The following TYW1 variants were observed in gnomAD, a reference collection of about 807,000 sequenced individuals.
TYW1 encodes the protein S-adenosyl-L-methionine-dependent tRNA 4-demethylwyosine synthase TYW1.
In TYW1, 46 loss-of-function variants were observed where a neutral mutation model predicts 96.2. The ratio of observed to expected loss-of-function variants is 0.48; its 90% CI spans 0.38 to 0.61. The LOEUF (loss-of-function observed/expected upper bound fraction) is 0.61, where lower values mean the gene tolerates loss of function less well. TYW1 is among the 20% of genes least tolerant of loss of function. The probability of loss-of-function intolerance (pLI) is 0.00; values close to 1 mark genes in which losing one functional copy is unlikely to be tolerated. For synonymous variants in TYW1, 274 were observed against 323.0 expected (o/e 0.85, Z 1.63); for missense variants, 684 against 909.6 (o/e 0.75, Z 3.19).
chr7:67,047,114 G>A (rs1213172615), intron 7 of TYW1, among the ~76,000 whole-genome samples: 1 of 152,156 alleles, frequency 6.6e-6, no homozygotes, highest in African/African-American at 2.4e-5. Context: ...ATACTGCCAT[G>A]TCTTATCAAT....
chr7:67,028,816 C>G (rs1323813098), intron 7 of TYW1, among the ~76,000 whole-genome samples: 1 of 152,152 alleles, frequency 6.6e-6, no homozygotes, highest in Non-Finnish European at 1.5e-5. Context: ...TGCAAAACAG[C>G]ATTTCCACAG....
chr7:67,042,140 A>G (rs1383109899), intron 7 of TYW1, among the ~76,000 whole-genome samples: 1 of 147,748 alleles, frequency 6.8e-6, no homozygotes, highest in African/African-American at 2.5e-5. Flanking sequence ...TTCTGATATA[A>G]TTATATATTA....
intron 13 of TYW1, among the ~76,000 whole-genome samples, chr7:67,130,006 G>A (rs1798015940): frequency 6.6e-6 from 1 of 151,410 alleles, no homozygotes; most frequent in African/African-American, 2.4e-5. Flanking sequence ...TGATATATGT[G>A]CTGTTCCATT....
At chr7:67,015,391 C>T (rs1162342563) in intron 5 of TYW1, among the ~76,000 whole-genome samples, 2 of 152,110 alleles carry the variant, frequency 1.3e-5, no homozygotes, top group African/African-American at 4.8e-5. Context: ...CTTGCTTTGT[C>T]ATCCAGGCTG....
At chr7:67,085,743 C>T (rs976259838) in intron 11 of TYW1, among the ~76,000 whole-genome samples, 1 of 152,038 alleles carries the variant, frequency 6.6e-6, no homozygotes, top group African/African-American at 2.4e-5. Context: ...CTGAGGTAGG[C>T]GGATCACCTG....
At chr7:67,088,176 T>C (rs748347271) in intron 11 of TYW1, among the ~76,000 whole-genome samples, 113 of 152,324 alleles carry the variant, frequency 7.4e-4, no homozygotes, top group Non-Finnish European at 1.3e-3. Context: ...TCATTTGTTA[T>C]ACATTTTCAC....
chr7:67,135,408 G>T (rs1328954918), intron 13 of TYW1, among the ~76,000 whole-genome samples: 2 of 144,704 alleles, frequency 1.4e-5, no homozygotes, highest in Admixed American at 7.2e-5. Flanking sequence ...GGGTTCAAGC[G>T]ATCCTCCCAC....
intron 7 of TYW1, among the ~76,000 whole-genome samples, chr7:67,029,414 T>TATATACAC (rs1562973615): frequency 1.4e-5 from 2 of 138,376 alleles, no homozygotes; most frequent in Admixed American, 1.5e-4. Context: ...TGTGTGTGTG[T>TATATACAC]GTATATATAT....
intron 11 of TYW1, among the ~76,000 whole-genome samples, chr7:67,090,360 G>T (rs28484969): frequency 0.24 from 36,900 of 151,982 alleles, 4,771 homozygotes; most frequent in African/African-American, 0.32. Flanking sequence ...ATTTCTGATC[G>T]GCCCAAACTT....
At chr7:67,216,140 G>A (rs954746893) in intron 15 of TYW1, among the ~76,000 whole-genome samples, 1 of 150,782 alleles carries the variant, frequency 6.6e-6, no homozygotes, top group Non-Finnish European at 1.5e-5. Context: ...GCTCATAATA[G>A]GAGATAGGGA....
chr7:67,033,474 C>T lies in TYW1; in HGVS notation c.984+8452C>T, dbSNP rs145295205. On this transcript the variant is annotated intron_variant, in intron 7 of 15. Transcript: ENST00000359626. The stretch of plus-strand genomic sequence containing the variant: ...CGGCAGCCGTACGTCAATCTGTAAT[C>T]CTCTGAGGGCGGGGGATACAGAGCA... 2.5e-3 allele frequency among the ~76,000 whole-genome samples: 388 copies of T among 152,280 alleles called. 2 individuals are homozygous for T. Among genetic ancestry groups the T allele is most frequent in the African/African-American group, 5.8e-3 (242 of 41,564 alleles).
rs1797748294 is a variant in TYW1, at chr7:67,121,169, T to C, written c.1698+3551T>C. On this transcript the variant is annotated intron_variant, in intron 13 of 15. Transcript: ENST00000359626. ...ACATAGTAGATGCTATTAAGAAAGA[T>C]TTGTTTTACTGTTGTTTAGCACTTA... Among the ~76,000 whole-genome samples the C allele has an allele frequency of 2.6e-5, 4 of 152,152 alleles. No individual in the cohort carries two copies. The South Asian group carries it at 8.3e-4, about 32-fold the overall frequency.
chr7:67,102,821 T>G (rs1454552537), intron 12 of TYW1, among the ~76,000 whole-genome samples: 2 of 151,990 alleles, frequency 1.3e-5, no homozygotes, highest in Non-Finnish European at 2.9e-5. Flanking sequence ...CCAGCTAATT[T>G]TTTGTATTTT....
chr7:67,119,968 T>C (rs1453933404), intron 13 of TYW1, among the ~76,000 whole-genome samples: 1 of 152,160 alleles, frequency 6.6e-6, no homozygotes, highest in Non-Finnish European at 1.5e-5. Context: ...TTGATTTTTT[T>C]TTTTGTAGAG....
At chr7:67,164,737 A>G (rs151229861) in intron 13 of TYW1, among the ~76,000 whole-genome samples, 1 of 152,078 alleles carries the variant, frequency 6.6e-6, no homozygotes, top group African/African-American at 2.4e-5. Flanking sequence ...TGACCCTGCT[A>G]TTGTTAGGAG....
intron 12 of TYW1, among the ~76,000 whole-genome samples, chr7:67,105,632 G>C (rs893500413): frequency 2.0e-5 from 3 of 152,170 alleles, no homozygotes; most frequent in African/African-American, 7.2e-5. Context: ...CCGTCTTGCT[G>C]TTTCTTCAGC....
chr7:67,148,389 G>C (rs1798675237), intron 13 of TYW1, among the ~76,000 whole-genome samples: 1 of 148,890 alleles, frequency 6.7e-6, no homozygotes, highest in Non-Finnish European at 1.5e-5. Context: ...CTCCAAGTTG[G>C]AACTAAGGTC....
At chr7:67,092,674 CTTTTT>C (rs3980762) in intron 11 of TYW1, among the ~76,000 whole-genome samples, 4 of 92,452 alleles carry the variant, frequency 4.3e-5, no homozygotes, top group Admixed American at 2.6e-4. Context: ...CTATCACCTT[CTTTTT>C]TTTTTTTTTT....
At chr7:67,076,725 C>T (rs1032381156) in intron 10 of TYW1, among the ~76,000 whole-genome samples, 1 of 150,946 alleles carries the variant, frequency 6.6e-6, no homozygotes, top group Admixed American at 6.6e-5. Flanking sequence ...ATCCGCCTCC[C>T]TTGGCCTTCC....
Sources: allele counts gnomAD v4.1 joint callset (sites outside exome capture counted in the v4.1 genomes callset), GRCh38; gene constraint gnomAD v4.1.1; transcripts MANE v1.5; gene names NCBI Gene and HGNC (gene_info 2026-07-23, HGNC 2026-07-21).